The following EYS variants were observed in gnomAD, a reference collection of about 807,000 sequenced individuals.
EYS encodes the protein protein eyes shut homolog.
Under a neutral mutation model 282.1 loss-of-function variants are expected in EYS, and 250 were observed. The observed-to-expected ratio is 0.89, with a 90% confidence interval of 0.80 to 0.98. EYS has a LOEUF of 0.98. Among genes scored for constraint, EYS ranks in the 50% least tolerant of loss-of-function variants. The probability of loss-of-function intolerance (pLI) is 0.00; values close to 1 mark genes in which losing one functional copy is unlikely to be tolerated. For missense variants in EYS, 4,016 were observed against 3,709.0 expected, an observed-to-expected ratio of 1.08 and a Z score of -2.15; for synonymous variants, 1,355 against 1,282.9, an observed-to-expected ratio of 1.06 and a Z score of -1.20.
chr6:64,424,696 A>T (rs1389075336), intron 28 of EYS, among the ~76,000 whole-genome samples: 2 of 152,148 alleles, frequency 1.3e-5, no homozygotes, highest in Non-Finnish European at 2.9e-5. Context: ...TCATTATTTA[A>T]CATTTATTTA....
At chr6:65,029,110 T>A (rs1424256959) in intron 13 of EYS, among the ~76,000 whole-genome samples, 1 of 152,188 alleles carries the variant, frequency 6.6e-6, no homozygotes, top group East Asian at 1.9e-4. Context: ...TTCTCCTTTT[T>A]CTTTGAGTAC....
intron 2 of EYS, among the ~76,000 whole-genome samples, chr6:65,621,423 C>T (rs971681746): frequency 1.3e-5 from 2 of 150,890 alleles, no homozygotes; most frequent in Admixed American, 1.3e-4. Flanking sequence ...TTCCTCCATC[C>T]TTTTATTTTG....
chr6:65,684,718 G>A (rs1019556178), intron 1 of EYS, among the ~76,000 whole-genome samples: 1 of 151,970 alleles, frequency 6.6e-6, no homozygotes, highest in Non-Finnish European at 1.5e-5. Context: ...TTTATTTTAG[G>A]TTTAAGGGGT....
chr6:64,251,376 A>G (rs1008688365), intron 30 of EYS, among the ~76,000 whole-genome samples: 1 of 152,140 alleles, frequency 6.6e-6, no homozygotes, highest in African/African-American at 2.4e-5. Flanking sequence ...GAATTATGGT[A>G]TAGCAGCATT....
At chr6:65,253,509 T>C (rs1194853885) in intron 12 of EYS, among the ~76,000 whole-genome samples, 1 of 151,950 alleles carries the variant, frequency 6.6e-6, no homozygotes, top group Non-Finnish European at 1.5e-5. Flanking sequence ...GTAATTTTTA[T>C]ATATTTGAAT....
intron 35 of EYS, among the ~76,000 whole-genome samples, chr6:63,977,179 A>G (rs1190989413): frequency 1.3e-5 from 2 of 151,814 alleles, no homozygotes; most frequent in East Asian, 3.9e-4. Flanking sequence ...TATAATAAAA[A>G]TTTTACATAT....
chr6:65,695,761 G>C (rs1769429251), intron 1 of EYS, among the ~76,000 whole-genome samples: 1 of 151,336 alleles, frequency 6.6e-6, no homozygotes, highest in African/African-American at 2.4e-5. Flanking sequence ...TTTTTTTGTT[G>C]ACTTTTATAG....
chr6:65,471,673 T>C (rs893882455), intron 5 of EYS, among the ~76,000 whole-genome samples: 3 of 152,102 alleles, frequency 2.0e-5, no homozygotes, highest in East Asian at 1.9e-4. Context: ...TACTGTAAAA[T>C]AAATGATATG....
intron 7 of EYS, among the ~76,000 whole-genome samples, chr6:65,386,299 T>C (rs1012560355): frequency 6.6e-6 from 1 of 151,854 alleles, no homozygotes; most frequent in Non-Finnish European, 1.5e-5. Context: ...GGAGGACTAA[T>C]GTGTACTAGG....
At position 64,515,921 on chromosome 6, in the gene EYS, TTAAG is replaced by T. The variant is rs1230919538; in HGVS notation, c.5644+74298_5644+74301del. 3.3e-5 allele frequency among the ~76,000 whole-genome samples: 5 copies of T among 151,892 alleles called. No individual in the cohort carries two copies. The South Asian group carries it at 1.0e-3, about 31-fold the overall frequency. On this transcript the variant is annotated intron_variant, in intron 26 of 42. Coordinates refer to ENST00000503581, the MANE Select transcript of EYS (RefSeq NM_001142800.2). ...TGTAATTTACATTTATAGCCGAACT[TTAAG>T]TAATTCCCATATAATTTTATTGTAT...
At chr6:63,940,709 C>T (rs1765209510) in intron 35 of EYS, among the ~76,000 whole-genome samples, 1 of 150,008 alleles carries the variant, frequency 6.7e-6, no homozygotes, top group Non-Finnish European at 1.5e-5. Context: ...CATACTTTAA[C>T]TTCTAGGGTA....
chr6:64,811,420 G>GT, intron 22 of EYS, among the ~76,000 whole-genome samples: 1 of 106,758 alleles, frequency 9.4e-6, no homozygotes. Context: ...GCTTCATGCT[G>GT]TAAAAAAAAA....
chr6:65,223,023 T>C (rs929764837), intron 12 of EYS, among the ~76,000 whole-genome samples: 2 of 152,158 alleles, frequency 1.3e-5, no homozygotes, highest in African/African-American at 2.4e-5. Flanking sequence ...TCAACAATGA[T>C]GGTAAGAATT....
At chr6:63,944,073 C>T (rs1399965146) in intron 35 of EYS, among the ~76,000 whole-genome samples, 2 of 152,144 alleles carry the variant, frequency 1.3e-5, no homozygotes, top group Admixed American at 6.5e-5. Context: ...AGCGCAGGAC[C>T]TGACCCTGCC....
At chr6:64,335,024 C>T (rs1770787737) in intron 29 of EYS, among the ~76,000 whole-genome samples, 1 of 152,078 alleles carries the variant, frequency 6.6e-6, no homozygotes, top group Admixed American at 6.6e-5. Flanking sequence ...AGACATATCA[C>T]CACCCGAATA....
chr6:64,068,577 T>C (rs530848631), intron 32 of EYS, among the ~76,000 whole-genome samples: 12 of 151,886 alleles, frequency 7.9e-5, no homozygotes, highest in Non-Finnish European at 1.3e-4. Context: ...AGTTAATGGG[T>C]GCAGCACACC....
At chr6:64,949,772 TA>T (rs769762777) in intron 14 of EYS, among the ~76,000 whole-genome samples, 5 of 151,936 alleles carry the variant, frequency 3.3e-5, no homozygotes, top group Non-Finnish European at 7.4e-5. Flanking sequence ...TAATATCTAC[TA>T]ATCTACTTAA....
At chr6:65,251,395 T>C (rs1767319211) in intron 12 of EYS, among the ~76,000 whole-genome samples, 1 of 151,448 alleles carries the variant, frequency 6.6e-6, no homozygotes. Context: ...AAATTTTAAT[T>C]ATAGAGAAAA....
chr6:65,309,580 C>T (rs565280027), intron 11 of EYS, among the ~76,000 whole-genome samples: 15 of 152,280 alleles, frequency 9.9e-5, no homozygotes, highest in Middle Eastern at 3.4e-3. Flanking sequence ...TAAGTAAACA[C>T]ACTAGTAGAC....
Sources: allele counts gnomAD v4.1 joint callset (sites outside exome capture counted in the v4.1 genomes callset), GRCh38; gene constraint gnomAD v4.1.1; transcripts MANE v1.5; gene names NCBI Gene and HGNC (gene_info 2026-07-23, HGNC 2026-07-21).